The following RMND1 variants were observed in gnomAD, a reference collection of about 807,000 sequenced individuals.
The protein encoded by RMND1 is required for meiotic nuclear division 1 homolog.
In RMND1, 41 loss-of-function variants were observed where a neutral mutation model predicts 54.0. The observed-to-expected ratio is 0.76, with a 90% CI of 0.59 to 0.98. RMND1 has a LOEUF of 0.98. Ranked by LOEUF, RMND1 falls within the 50% of genes least tolerant of loss-of-function variation. RMND1 has a pLI of 0.00. For missense variants in RMND1, 457 were observed against 532.0 expected (o/e 0.86, Z 1.39); for synonymous variants, 183 against 181.7 (o/e 1.01, Z -0.06).
At position 151,404,774 on chromosome 6, in the gene RMND1, AATTTT is replaced by A. The variant is rs1779551601; in HGVS notation, c.*456_*460del. The A allele has an allele frequency of 6.6e-6, 1 of 152,454 alleles. No individual in the cohort carries two copies. The highest frequency in any genetic ancestry group is 2.4e-5 in the African/African-American group (1 of 41,450). The allele number at this position is 152,454 out of a possible 1,614,324, so 9.4% of individuals were successfully genotyped here. ...TAGATACAAACACTAGATTCTTCATAATTTTATTCACACGATATACTGGGCTGAAA... is the reference window on the plus strand; with the variant it reads ...TAGATACAAACACTAGATTCTTCATAATTCACACGATATACTGGGCTGAAA... On this transcript the variant is annotated 3_prime_UTR_variant, in exon 12 of 12. Coordinates refer to ENST00000444024, the MANE Select transcript of RMND1 (RefSeq NM_017909.4).
chr6:151,436,973 T>C (rs1024159854), intron 2 of RMND1: 1 of 156,992 alleles, frequency 6.4e-6, no homozygotes, highest in Non-Finnish European at 1.4e-5. Context: ...TTTCCTAATT[T>C]GTAACTACTC....
intron 1 of RMND1, among the ~76,000 whole-genome samples, chr6:151,446,531 G>C (rs1780959047): frequency 1.3e-5 from 2 of 152,094 alleles, no homozygotes; most frequent in Admixed American, 1.3e-4. Flanking sequence ...AGGCATGTCA[G>C]ATACACACAT....
At chr6:151,440,412 A>G (rs1166511596) in intron 2 of RMND1, among the ~76,000 whole-genome samples, 1 of 152,252 alleles carries the variant, frequency 6.6e-6, no homozygotes, top group Non-Finnish European at 1.5e-5. Context: ...GAGAATGTGT[A>G]CTATTTTCAA....
At chr6:151,445,865 A>T in intron 1 of RMND1, 40 bp from the exon 2 acceptor site, 1 of 1,463,426 alleles carries the variant, frequency 6.8e-7, no homozygotes, top group Non-Finnish European at 9.0e-7. Flanking sequence ...TTTTAAATTA[A>T]TGTTTAAAAC....
At chr6:151,424,996 G>A (rs1780255204) in intron 6 of RMND1, among the ~76,000 whole-genome samples, 1 of 152,168 alleles carries the variant, frequency 6.6e-6, no homozygotes, top group African/African-American at 2.4e-5. Context: ...AGACTGGAGT[G>A]TAGTGGCGTG....
intron 10 of RMND1, chr6:151,416,470 C>A (rs1780010751): frequency 7.4e-6 from 1 of 134,450 alleles, no homozygotes; most frequent in Non-Finnish European, 1.5e-5. Context: ...GTCATCCAGG[C>A]TGGAGTGCAC....
chr6:151,440,701 T>C (rs991798380), intron 2 of RMND1, among the ~76,000 whole-genome samples: 1 of 152,256 alleles, frequency 6.6e-6, no homozygotes, highest in Non-Finnish European at 1.5e-5. Flanking sequence ...GTCTTAGTTG[T>C]GGGTTTCTTC....
At chr6:151,448,709 T>G (rs1781033167) in intron 1 of RMND1, among the ~76,000 whole-genome samples, 2 of 152,190 alleles carry the variant, frequency 1.3e-5, no homozygotes. Context: ...CTACAGTTTC[T>G]TCTCAACACA....
chr6:151,433,077 G>C (rs1165223593), intron 4 of RMND1, 78 bp downstream of exon 4: 4 of 761,004 alleles, frequency 5.3e-6, no homozygotes, highest in Non-Finnish European at 6.7e-6. Flanking sequence ...GTTAAGAAAG[G>C]TATGCCTGCA....
intron 2 of RMND1, among the ~76,000 whole-genome samples, chr6:151,444,805 C>A (rs1780902963): frequency 6.6e-6 from 1 of 151,922 alleles, no homozygotes; most frequent in Admixed American, 6.6e-5. Flanking sequence ...TAAAAAATAC[C>A]CCCTTAAACC....
intron 6 of RMND1, among the ~76,000 whole-genome samples, chr6:151,424,304 C>T (rs1240643735): frequency 3.3e-5 from 5 of 151,716 alleles, no homozygotes; most frequent in Non-Finnish European, 7.4e-5. Flanking sequence ...ACTCAAAACA[C>T]AAAATAAAAT....
chr6:151,435,582 T>C (rs1232493771), intron 3 of RMND1, among the ~76,000 whole-genome samples: 5 of 151,580 alleles, frequency 3.3e-5, no homozygotes, highest in Non-Finnish European at 7.4e-5. Context: ...TTTATTATTA[T>C]TATTATTTGT....
intron 10 of RMND1, chr6:151,413,675 G>A (rs1333940255): frequency 6.6e-6 from 1 of 152,232 alleles, no homozygotes; most frequent in Non-Finnish European, 1.5e-5. Flanking sequence ...TTCAGCCTGT[G>A]TGCACAGTCG....
At chr6:151,442,597 A>G (rs1036905621) in intron 2 of RMND1, among the ~76,000 whole-genome samples, 1 of 152,040 alleles carries the variant, frequency 6.6e-6, no homozygotes. Context: ...AGGTGCAGTC[A>G]CGACTCACTG....
chr6:151,431,409 A>G (rs909862172), intron 4 of RMND1, among the ~76,000 whole-genome samples: 9 of 152,212 alleles, frequency 5.9e-5, no homozygotes, highest in African/African-American at 2.2e-4. Context: ...ACAATAGACA[A>G]ACAGACTGGT....
intron 6 of RMND1, among the ~76,000 whole-genome samples, chr6:151,426,803 CTT>C (rs919003205): frequency 3.9e-5 from 6 of 151,940 alleles, no homozygotes; most frequent in Non-Finnish European, 8.8e-5. Context: ...GAGTTTCACT[CTT>C]GTCACCCTGG....
At position 151,445,475 on chromosome 6, in the gene RMND1, G is replaced by T. The variant is rs150212790; in HGVS notation, c.337C>A (p.Leu113Met). ...TTTATAAACCATTTAGAACCCAACA[G>T]ATTTGGTTTGTGGGTCACTCTCCTG... ...THRRVTHKPN[L>M]LGSKWFIKIL... Residue 113 changes from leucine to methionine, a missense_variant, in exon 2 of 12, where the codon CTG becomes ATG. By Grantham distance (15) the Leu-to-Met change is conservative. Transcript: ENST00000444024. The T allele has an allele frequency of 1.2e-6, 2 of 1,614,218 alleles. No homozygotes were observed. Among genetic ancestry groups the T allele is most frequent in the Non-Finnish European group, 8.5e-7 (1 of 1,180,024 alleles).
At chr6:151,427,444 A>G in intron 6 of RMND1, 38 bp downstream of exon 6, 1 of 1,234,110 alleles carries the variant, frequency 8.1e-7, no homozygotes, top group Non-Finnish European at 1.2e-6. Context: ...AATTTATTCC[A>G]AGTGCCCCTT....
intron 10 of RMND1, among the ~76,000 whole-genome samples, chr6:151,407,837 G>A (rs1779680351): frequency 6.6e-6 from 1 of 152,026 alleles, no homozygotes; most frequent in Non-Finnish European, 1.5e-5. Context: ...AACCCAGCCG[G>A]GAGGTGGAGC....
Sources: allele counts gnomAD v4.1 joint callset (sites outside exome capture counted in the v4.1 genomes callset), GRCh38; gene constraint gnomAD v4.1.1; transcripts MANE v1.5; gene names NCBI Gene and HGNC (gene_info 2026-07-23, HGNC 2026-07-21).